EIF2S1: variants seen among roughly 807,000 people sequenced by gnomAD.
EIF2S1 encodes the protein eukaryotic translation initiation factor 2 subunit alpha.
EIF2S1 carries 5 observed loss-of-function variants against 33.5 expected under a neutral mutation model. The observed-to-expected ratio is 0.15, with a 90% CI of 0.08 to 0.31. The LOEUF (loss-of-function observed/expected upper bound fraction) is 0.31. Among genes scored for constraint, EIF2S1 ranks in the 10% least tolerant of loss-of-function variants. The probability of loss-of-function intolerance (pLI) is 1.00; values close to 1 mark genes in which losing one functional copy is unlikely to be tolerated. For synonymous variants in EIF2S1, 99 were observed against 127.5 expected, an observed-to-expected ratio of 0.78 and a Z score of 1.51; for missense variants, 191 against 384.6, an observed-to-expected ratio of 0.50 and a Z score of 4.21.
rs1352624419 is a variant in EIF2S1 at position 67,383,249 on chromosome 14, AG to A, written c.823-65del. 3 of 1,533,340 alleles carry A rather than the reference AG, an allele frequency of 2.0e-6. No homozygotes were observed. In the African/African-American group the frequency reaches 4.2e-5, roughly 21 times the overall value. 95.0% of individuals were successfully genotyped at this position (1,533,340 alleles called of 1,614,324 possible). A position where few individuals can be genotyped will look rare whatever the true frequency, so the allele number is the denominator to read the frequency against. ...AAGAGAGAAAACATTAGGCAGTAAT[AG>A]TATTGAAATTAAATTTGTATAGTAT... On this transcript the variant is annotated intron_variant, in intron 7 of 7. Coordinates refer to ENST00000256383, the MANE Select transcript of EIF2S1 (RefSeq NM_004094.5).
At chr14:67,370,591 C>T (rs1467231788) in intron 2 of EIF2S1, among the ~76,000 whole-genome samples, 1 of 152,092 alleles carries the variant, frequency 6.6e-6, no homozygotes, top group Non-Finnish European at 1.5e-5. Context: ...AATTTTATGC[C>T]AATCATCTCA....
intron 1 of EIF2S1, among the ~76,000 whole-genome samples, chr14:67,362,231 G>C (rs1266328458): frequency 4.0e-5 from 6 of 151,708 alleles, no homozygotes; most frequent in African/African-American, 1.5e-4. Flanking sequence ...TGTTGACCAG[G>C]CTGGCCTCGA....
rs748913582 is a variant in EIF2S1 at position 67,364,758 on chromosome 14, A to G, written c.-1-9A>G. On this transcript the variant is annotated splice_polypyrimidine_tract_variant and intron_variant, in intron 1 of 7. Coordinates refer to ENST00000256383, the MANE Select transcript of EIF2S1 (RefSeq NM_004094.5). ...GAATACTTACTTAATTCTTTTGTTT[A>G]AATTGCAGAATGCCGGGTCTAAGTT... 6.2e-7 allele frequency: 1 copy of G among 1,606,454 alleles called. No individual in the cohort carries two copies. The highest frequency in any genetic ancestry group is 2.2e-5 in the East Asian group (1 of 44,634).
chr14:67,382,904 C>CGTGCGT (rs1330051951), intron 7 of EIF2S1, among the ~76,000 whole-genome samples: 1 of 140,450 alleles, frequency 7.1e-6, no homozygotes, highest in South Asian at 2.4e-4. Context: ...TACGTGCGTG[C>CGTGCGT]GTGCGTGTGT....
In EIF2S1 at chr14:67,383,861, CTA is replaced by C. The variant is rs2085903681; in HGVS notation, c.*424_*425del. On this transcript the variant is annotated 3_prime_UTR_variant, in exon 8 of 8. Coordinates refer to ENST00000256383, the MANE Select transcript of EIF2S1 (RefSeq NM_004094.5). ...TCAAATAAATTTCTGGGATATTTAA[CTA>C]TAGGCTTCTTCCTTCTTGTCACCAG... 1 of 236,460 alleles carries C rather than the reference CTA, an allele frequency of 4.2e-6. No homozygotes were observed. The highest frequency in any genetic ancestry group is 8.5e-6 in the Non-Finnish European group (1 of 118,274). 14.6% of individuals were successfully genotyped at this position (236,460 alleles called of 1,614,324 possible).
chr14:67,378,975 A>G (rs2085872123), intron 4 of EIF2S1, among the ~76,000 whole-genome samples: 1 of 152,146 alleles, frequency 6.6e-6, no homozygotes, highest in South Asian at 2.1e-4. Context: ...AACCTATTGT[A>G]TCTTTTTGTA....
At chr14:67,371,510 TATC>T (rs1444333887) in intron 2 of EIF2S1, among the ~76,000 whole-genome samples, 5 of 152,196 alleles carry the variant, frequency 3.3e-5, no homozygotes, top group African/African-American at 1.2e-4. Context: ...AAAAATGTCT[TATC>T]ATGCAAATTT....
Position 67,385,691 on chromosome 14 carries a change from A to G in EIF2S1, c.*2251A>G, listed in dbSNP as rs1176874280. 7.7e-5 allele frequency: 9 copies of G among 117,410 alleles called. No individual in the cohort carries two copies. The South Asian group carries it at 7.8e-4, about 10-fold the overall frequency. The allele number at this position is 117,410 out of a possible 1,614,324, so 7.3% of individuals were successfully genotyped here. On this transcript the variant is annotated 3_prime_UTR_variant, in exon 8 of 8. Coordinates refer to ENST00000256383, the MANE Select transcript of EIF2S1 (RefSeq NM_004094.5). ...TTTTTTTTTTTTGGCAAATGGTGTT[A>G]TATTGCCTGGGCAGGTCTCGAAATC...
rs1047222897 is a variant in EIF2S1, at chr14:67,382,324, A to G, written c.679-123A>G. The G allele has an allele frequency of 3.7e-6, 3 of 817,922 alleles. No individual in the cohort carries two copies. The South Asian group carries it at 5.6e-5, about 15-fold the overall frequency. 50.7% of individuals were successfully genotyped at this position (817,922 alleles called of 1,614,324 possible). ...GTAGGACCCTAAATTACTGTCCTGT[A>G]GAATTGGCAATTACGTTTTGGGGTG... On this transcript the variant is annotated intron_variant, in intron 6 of 7. Transcript: ENST00000256383.
rs2085727532 is a variant in EIF2S1 at position 67,360,474 on chromosome 14, C to T, written c.-2+18C>T. ...TACCTCAGGTGACTAATCCCAAGCT[C>T]GGTTTCTCCAGGAACTCACTTTGGT... is the stretch of plus-strand genomic sequence containing the variant. On this transcript the variant is annotated intron_variant, in intron 1 of 7. Coordinates refer to ENST00000256383, the MANE Select transcript of EIF2S1 (RefSeq NM_004094.5). The T allele has an allele frequency of 2.8e-6, 1 of 359,064 alleles. No homozygotes were observed. The highest frequency in any genetic ancestry group is 5.0e-6 in the Non-Finnish European group (1 of 201,788). 22.2% of individuals were successfully genotyped at this position (359,064 alleles called of 1,614,324 possible). A position where few individuals can be genotyped will look rare whatever the true frequency, so the allele number is the denominator to read the frequency against.
chr14:67,382,421 A>G, intron 6 of EIF2S1, 26 bp from the exon 7 acceptor site: 2 of 1,597,028 alleles, frequency 1.3e-6, no homozygotes, highest in Middle Eastern at 3.3e-4. Context: ...TACATTCATA[A>G]ATGAATTTTT....
At chr14:67,375,232 C>CTGTGTGTGTGTGTGTGTG (rs3067321) in intron 3 of EIF2S1, among the ~76,000 whole-genome samples, 3 of 137,574 alleles carry the variant, frequency 2.2e-5, no homozygotes, top group African/African-American at 5.4e-5. Flanking sequence ...ATCCTCAGTT[C>CTGTGTGTGTGTGTGTGTG]TGTGTGTGTG....
chr14:67,375,232 CTGTGTGTGTGTGTGTGTGTG>C (rs3067321), intron 3 of EIF2S1, among the ~76,000 whole-genome samples: 124 of 137,672 alleles, frequency 9.0e-4, no homozygotes, highest in East Asian at 3.2e-3. Flanking sequence ...ATCCTCAGTT[CTGTGTGTGTGTGTGTGTGTG>C]TGTGTGTGTG....
intron 4 of EIF2S1, among the ~76,000 whole-genome samples, chr14:67,378,314 CTTTTTT>C (rs34487632): frequency 9.3e-5 from 10 of 107,628 alleles, no homozygotes; most frequent in African/African-American, 3.4e-4. Flanking sequence ...TCTCATGTGA[CTTTTTT>C]TTTTTTTTTT....
At chr14:67,382,685 A>G (rs746644186) in intron 7 of EIF2S1, 95 bp downstream of exon 7, 2 of 1,422,292 alleles carry the variant, frequency 1.4e-6, no homozygotes, top group Non-Finnish European at 2.0e-6. Flanking sequence ...GGAATGTCAT[A>G]TTGTAGGATG....
At chr14:67,374,326 T>TA (rs1408528587) in intron 2 of EIF2S1, 142 bp from the exon 3 acceptor site, 5 of 468,150 alleles carry the variant, frequency 1.1e-5, no homozygotes, top group African/African-American at 2.0e-5. Context: ...TTGTAATACT[T>TA]ATGCAGTATT....
chr14:67,382,821 A>C, intron 7 of EIF2S1: 1 of 536,872 alleles, frequency 1.9e-6, no homozygotes, highest in Non-Finnish European at 3.3e-6. Flanking sequence ...CATGTCTAAA[A>C]TTTGATCTCA....
At chr14:67,374,651 C>T in intron 3 of EIF2S1, 104 bp downstream of exon 3, 3 of 712,370 alleles carry the variant, frequency 4.2e-6, no homozygotes, top group Non-Finnish European at 6.5e-6. Flanking sequence ...TGCTTATGAT[C>T]TAATATTCTC....
intron 3 of EIF2S1, among the ~76,000 whole-genome samples, chr14:67,375,182 C>CT (rs1474551279): frequency 6.6e-6 from 1 of 151,894 alleles, no homozygotes; most frequent in African/African-American, 2.4e-5. Context: ...CAGTATTTCT[C>CT]TTTTCTCAGG....
Sources: gnomAD v4.1 joint callset for allele counts (sites outside exome capture counted in the v4.1 genomes callset) on GRCh38, gnomAD v4.1.1 for gene constraint, MANE v1.5 for transcripts, NCBI Gene and HGNC (gene_info 2026-07-23, HGNC 2026-07-21) for gene names.